The following ITSN2 variants were observed in gnomAD, a reference collection of about 807,000 sequenced individuals.
ITSN2 encodes the protein intersectin-2.
Under a neutral mutation model 243.7 loss-of-function variants are expected in ITSN2, and 156 were observed. That is an observed-to-expected ratio of 0.64 (90% CI 0.56 to 0.73). The LOEUF (loss-of-function observed/expected upper bound fraction) is 0.73, where lower values mean the gene tolerates loss of function less well. ITSN2 is among the 30% of genes least tolerant of loss of function. The pLI is 0.00. For synonymous variants in ITSN2, 703 were observed against 699.9 expected (o/e 1.00, Z -0.07); for missense variants, 1,801 against 1,996.1 (o/e 0.90, Z 1.86).
Position 24,204,307 on chromosome 2 carries a change from TTAA to T in ITSN2, c.4871_4873del (p.Ile1624del), listed in dbSNP as rs1433251140. 19 of 1,614,072 alleles carry T rather than the reference TTAA, an allele frequency of 1.2e-5. No homozygotes were observed. Among genetic ancestry groups the T allele is most frequent in the Non-Finnish European group, 1.6e-5 (19 of 1,180,032 alleles). ...ACACAGCACGTCTTGGTAGAGATCC[TTAA>T]TAAAGAACTGGCAGTTAAAATTCCA... On this transcript the variant is annotated inframe_deletion, in exon 39 of 40. Coordinates refer to ENST00000355123, the MANE Select transcript of ITSN2 (RefSeq NM_006277.3). The surrounding 1 kb of genome is among the most constrained non-coding windows in gnomAD (Gnocchi z 5.1).
chr2:24,229,977 G>A (rs1671420648), intron 29 of ITSN2, among the ~76,000 whole-genome samples: 1 of 152,018 alleles, frequency 6.6e-6, no homozygotes, highest in Non-Finnish European at 1.5e-5. Context: ...AACTTTCCTC[G>A]ACATACTCAG....
Position 24,209,141 on chromosome 2 carries a change from A to G in ITSN2, c.4554T>C (p.Ile1518=). ...SDEPVFHISH[I]DRVYTLRTDN... ...CTGTTCGGAGGGTGTAGACCCGATC[A>G]ATGTGGGAAATGTGGAAGACAGGCT... The change falls in exon 36 of 40, where the codon ATT becomes ATC. Residue 1518 remains isoleucine, a synonymous_variant. Coordinates refer to ENST00000355123, the MANE Select transcript of ITSN2 (RefSeq NM_006277.3). 3 of 1,614,060 alleles carry G rather than the reference A, an allele frequency of 1.9e-6. No individual in the cohort carries two copies. The highest frequency in any genetic ancestry group is 2.5e-6 in the Non-Finnish European group (3 of 1,179,964).
rs1685356757 is a variant in ITSN2 at position 24,328,109 on chromosome 2, C to T, written c.-27G>A. On this transcript the variant is annotated 5_prime_UTR_variant, in exon 2 of 40. Transcript: ENST00000355123. ...GTCCTGAGTTTTCCTTGCTAGCTCT[C>T]AGCCATCTGCAACATAAAAATATTG... 2 of 1,612,394 alleles carry T rather than the reference C, an allele frequency of 1.2e-6. No homozygotes were observed. The highest frequency in any genetic ancestry group is 4.5e-5 in the East Asian group (2 of 44,864).
At chr2:24,330,665 T>A (rs1427584568) in intron 1 of ITSN2, 2 of 727,828 alleles carry the variant, frequency 2.7e-6, no homozygotes, top group African/African-American at 3.4e-5. Context: ...GTGCTGGAGA[T>A]GCCAAGTGAA....
chr2:24,253,571 C>T (rs917277916), intron 24 of ITSN2, among the ~76,000 whole-genome samples: 5 of 152,194 alleles, frequency 3.3e-5, no homozygotes, highest in African/African-American at 1.2e-4. Flanking sequence ...ACACTGCCAT[C>T]TCTGTGGATT....
At chr2:24,223,739 T>G (rs1199691638) in intron 29 of ITSN2, among the ~76,000 whole-genome samples, 16 of 69,142 alleles carry the variant, frequency 2.3e-4, no homozygotes, top group Non-Finnish European at 2.8e-4. Flanking sequence ...AAAAAGTGAA[T>G]GTAAGGGGAA....
At chr2:24,281,790 A>G (rs1678815640) in intron 17 of ITSN2, among the ~76,000 whole-genome samples, 2 of 152,198 alleles carry the variant, frequency 1.3e-5, no homozygotes, top group Admixed American at 6.5e-5. Context: ...ACTACCAGCT[A>G]TAAACCTTGC....
intron 1 of ITSN2, among the ~76,000 whole-genome samples, chr2:24,358,537 C>A (rs1332161277): frequency 6.6e-6 from 1 of 152,052 alleles, no homozygotes; most frequent in Non-Finnish European, 1.5e-5. Flanking sequence ...CAATATGTGA[C>A]CCTTTTGTCT....
intron 1 of ITSN2, among the ~76,000 whole-genome samples, chr2:24,354,974 C>T (rs1406562167): frequency 6.6e-6 from 1 of 152,176 alleles, no homozygotes; most frequent in African/African-American, 2.4e-5. Flanking sequence ...CAATACTATA[C>T]ATTCTGCAAA....
intron 31 of ITSN2, 49 bp downstream of exon 31, chr2:24,217,858 C>G: frequency 7.5e-7 from 1 of 1,325,724 alleles, no homozygotes; most frequent in Non-Finnish European, 1.1e-6. Context: ...GAGTCTCAGT[C>G]TGGGGGCTTT....
At chr2:24,277,937 G>A (rs757786482) in intron 17 of ITSN2, among the ~76,000 whole-genome samples, 1 of 152,320 alleles carries the variant, frequency 6.6e-6, no homozygotes, top group South Asian at 2.1e-4. Flanking sequence ...GCCGCATGTG[G>A]CCTGTGGACC....
In ITSN2 at chr2:24,295,792, G is replaced by A; in HGVS notation, c.1507C>T (p.Gln503Ter). ...LELEALNGKH[Q>*]QISGRLQDVR... ...TCCTGAAGTCTGCCTGAGATCTGCTGATGTTTGCCATTCTATAGGAAGATC... is the reference window on the plus strand; with the variant it reads ...TCCTGAAGTCTGCCTGAGATCTGCTAATGTTTGCCATTCTATAGGAAGATC... Residue 503 changes from glutamine to a stop codon, truncating the protein, a stop_gained, in exon 14 of 40, where the codon CAG becomes TAG. Transcript: ENST00000355123. LOFTEE classifies it high-confidence loss of function. 6.5e-7 allele frequency: 1 copy of A among 1,540,814 alleles called. No individual in the cohort carries two copies. Among genetic ancestry groups the A allele is most frequent in the Non-Finnish European group, 8.7e-7 (1 of 1,152,248 alleles).
At chr2:24,337,648 CT>C (rs751387126) in intron 1 of ITSN2, among the ~76,000 whole-genome samples, 6,779 of 117,660 alleles carry the variant, frequency 0.058, 154 homozygotes, top group Non-Finnish European at 0.075. Flanking sequence ...CCACGCCTGG[CT>C]TTTTTTTTTT....
intron 2 of ITSN2, among the ~76,000 whole-genome samples, chr2:24,320,121 A>T (rs1005803548): frequency 4.6e-5 from 7 of 152,188 alleles, no homozygotes; most frequent in Admixed American, 2.6e-4. Flanking sequence ...GTGCACACCT[A>T]ATCCCAGTAT....
At chr2:24,300,761 T>A (rs533620528) in intron 11 of ITSN2, among the ~76,000 whole-genome samples, 2 of 152,224 alleles carry the variant, frequency 1.3e-5, no homozygotes, top group African/African-American at 4.8e-5. Context: ...ATCAAAGCTG[T>A]GTGGTTATAC....
At chr2:24,330,824 TG>T in intron 1 of ITSN2, 1 of 391,558 alleles carries the variant, frequency 2.6e-6, no homozygotes, top group East Asian at 6.2e-5. Context: ...TGGAGTGCAG[TG>T]GCGTGATCTT....
At chr2:24,337,780 T>C (rs949938758) in intron 1 of ITSN2, among the ~76,000 whole-genome samples, 31 of 150,412 alleles carry the variant, frequency 2.1e-4, no homozygotes, top group Non-Finnish European at 3.0e-5. Context: ...TGTGCACCAC[T>C]ATGCCCAGCT....
At chr2:24,220,904 C>T (rs1670382613) in intron 30 of ITSN2, 41 bp downstream of exon 30, 2 of 1,559,662 alleles carry the variant, frequency 1.3e-6, no homozygotes, top group Admixed American at 2.0e-5. Flanking sequence ...TCATGAGAGA[C>T]AGCAGATACC....
intron 39 of ITSN2, 182 bp from the exon 40 acceptor site, chr2:24,203,965 A>G: frequency 1.5e-6 from 1 of 658,502 alleles, no homozygotes; most frequent in South Asian, 2.0e-5. Flanking sequence ...GTGTGTGAGA[A>G]GCTGCCACAT....
Sources: gnomAD v4.1 joint callset for allele counts (sites outside exome capture counted in the v4.1 genomes callset) on GRCh38, gnomAD v4.1.1 for gene constraint, Gnocchi (gnomAD v3.1) non-coding constraint, MANE v1.5 for transcripts, NCBI Gene and HGNC (gene_info 2026-07-23, HGNC 2026-07-21) for gene names.